Variants in ALK observed in about 807,000 individuals in gnomAD.
ALK encodes ALK receptor tyrosine kinase.
A neutral mutation model predicts 163.1 loss-of-function variants in ALK; 74 were observed. The observed-to-expected ratio is 0.45, with a 90% CI of 0.38 to 0.55. The LOEUF (loss-of-function observed/expected upper bound fraction) is 0.55. ALK is among the 20% of genes least tolerant of loss of function. The probability of loss-of-function intolerance (pLI) is 0.00; values close to 1 mark genes in which losing one functional copy is unlikely to be tolerated. For synonymous variants in ALK, 960 were observed against 843.2 expected (o/e 1.14, Z -2.40); for missense variants, 2,063 against 2,105.3 (o/e 0.98, Z 0.39).
At chr2:29,822,567 A>T (rs1274454388) in intron 1 of ALK, among the ~76,000 whole-genome samples, 1 of 152,174 alleles carries the variant, frequency 6.6e-6, no homozygotes, top group Non-Finnish European at 1.5e-5. Context: ...GTTCTCTAGG[A>T]CTTGAGTGGT....
intron 5 of ALK, among the ~76,000 whole-genome samples, chr2:29,352,908 T>C (rs1163484392): frequency 6.6e-6 from 1 of 152,262 alleles, no homozygotes; most frequent in African/African-American, 2.4e-5. Context: ...TCATTGTTCA[T>C]TCCTGGGTGC....
At chr2:29,236,316 G>A (rs1008994947) in intron 13 of ALK, among the ~76,000 whole-genome samples, 1 of 152,144 alleles carries the variant, frequency 6.6e-6, no homozygotes, top group Admixed American at 6.5e-5. Context: ...CTTGGCTTGC[G>A]GGCAGCAGTG....
At chr2:29,306,241 C>A (rs1032736035) in intron 8 of ALK, among the ~76,000 whole-genome samples, 2 of 152,168 alleles carry the variant, frequency 1.3e-5, no homozygotes, top group East Asian at 3.9e-4. Flanking sequence ...ATTATTCCAC[C>A]CATTTTTCAG....
At chr2:29,858,938 C>A (rs532237085) in intron 1 of ALK, among the ~76,000 whole-genome samples, 8 of 152,072 alleles carry the variant, frequency 5.3e-5, no homozygotes, top group Non-Finnish European at 1.0e-4. Context: ...GAGGCTGAGG[C>A]AGGAGAATTG....
intron 1 of ALK, among the ~76,000 whole-genome samples, chr2:29,746,814 C>T (rs1180855750): frequency 2.6e-4 from 39 of 152,174 alleles, no homozygotes; most frequent in Non-Finnish European, 1.0e-4. Context: ...AACCATATGC[C>T]TAGTGTCTTT....
chr2:29,558,093 T>C (rs1048074111), intron 3 of ALK, among the ~76,000 whole-genome samples: 1 of 152,242 alleles, frequency 6.6e-6, no homozygotes, highest in Non-Finnish European at 1.5e-5. Flanking sequence ...CTAAATCTTC[T>C]GTAAAAAGTC....
chr2:29,662,428 T>C (rs554135564), intron 3 of ALK, among the ~76,000 whole-genome samples: 1 of 152,174 alleles, frequency 6.6e-6, no homozygotes, highest in Non-Finnish European at 1.5e-5. Context: ...GTATGTTTTA[T>C]AATAAGTTGC....
At chr2:29,521,008 G>T (rs1558364480) in intron 4 of ALK, among the ~76,000 whole-genome samples, 1 of 152,278 alleles carries the variant, frequency 6.6e-6, no homozygotes, top group South Asian at 2.1e-4. Context: ...TGCAAGGAAC[G>T]TCCCACAGAA....
intron 4 of ALK, among the ~76,000 whole-genome samples, chr2:29,454,705 A>C (rs537809825): frequency 1.3e-5 from 2 of 151,914 alleles, no homozygotes; most frequent in East Asian, 3.9e-4. Flanking sequence ...CAAAAAACCA[A>C]AAACCTTAAT....
At chr2:29,854,672 A>G (rs550406361) in intron 1 of ALK, among the ~76,000 whole-genome samples, 1 of 152,284 alleles carries the variant, frequency 6.6e-6, no homozygotes, top group South Asian at 2.1e-4. Flanking sequence ...GTTGTTTCCA[A>G]CTTTCTATTA....
chr2:29,842,050 CCT>C (rs907024717), intron 1 of ALK, among the ~76,000 whole-genome samples: 1 of 151,912 alleles, frequency 6.6e-6, no homozygotes, highest in African/African-American at 2.4e-5. Flanking sequence ...TCTCTCCCTC[CCT>C]CTTTTTCTCC....
At chr2:29,257,482 A>AT (rs1294314135) in intron 11 of ALK, among the ~76,000 whole-genome samples, 3 of 152,202 alleles carry the variant, frequency 2.0e-5, no homozygotes, top group Non-Finnish European at 4.4e-5. Context: ...TAAAAAAAAA[A>AT]TAGGCTAGAC....
chr2:29,815,458 C>A (rs1041665782), intron 1 of ALK, among the ~76,000 whole-genome samples: 1 of 152,028 alleles, frequency 6.6e-6, no homozygotes, highest in Non-Finnish European at 1.5e-5. Flanking sequence ...CTGGTTGTTG[C>A]AAAGAAGGTG....
intron 3 of ALK, among the ~76,000 whole-genome samples, chr2:29,605,590 CA>C (rs1303549358): frequency 6.6e-6 from 1 of 152,082 alleles, no homozygotes; most frequent in African/African-American, 2.4e-5. Flanking sequence ...AAAGGGAGAC[CA>C]GAGCTTTGTC....
chr2:29,450,235 C>T (rs201815927), intron 4 of ALK, among the ~76,000 whole-genome samples: 2 of 152,128 alleles, frequency 1.3e-5, no homozygotes, highest in East Asian at 1.9e-4. Flanking sequence ...GGTTCAAAAC[C>T]GCTCAGATGT....
chr2:29,334,757 C>G (rs1396782428), intron 5 of ALK, among the ~76,000 whole-genome samples: 1 of 152,210 alleles, frequency 6.6e-6, no homozygotes, highest in Non-Finnish European at 1.5e-5. Flanking sequence ...CCTGGCACGG[C>G]CTTCTCTGTC....
At chr2:29,510,857 T>C (rs1352865855) in intron 4 of ALK, among the ~76,000 whole-genome samples, 1 of 152,114 alleles carries the variant, frequency 6.6e-6, no homozygotes, top group Non-Finnish European at 1.5e-5. Context: ...AGGAAGGTGA[T>C]TCGTGAATCA....
intron 9 of ALK, among the ~76,000 whole-genome samples, chr2:29,275,912 G>C (rs1019570962): frequency 9.2e-5 from 14 of 152,274 alleles, no homozygotes; most frequent in African/African-American, 3.4e-4. Flanking sequence ...TACCAGCTTG[G>C]GTGTCCTGTT....
chr2:29,629,014 G>A (rs1011203226), intron 3 of ALK, among the ~76,000 whole-genome samples: 3 of 152,170 alleles, frequency 2.0e-5, no homozygotes, highest in African/African-American at 4.8e-5. Context: ...ACTGCCATGG[G>A]AGTGTTGGCA....
Sources: allele counts gnomAD v4.1 joint callset (sites outside exome capture counted in the v4.1 genomes callset), GRCh38; gene constraint gnomAD v4.1.1; transcripts MANE v1.5; gene names NCBI Gene and HGNC (gene_info 2026-07-23, HGNC 2026-07-21).